The following ARMC1 variants were observed in gnomAD, a reference collection of about 807,000 sequenced individuals.
ARMC1 encodes armadillo repeat containing 1, also known as armadillo repeat-containing protein 1.
Under a neutral mutation model 31.4 loss-of-function variants are expected in ARMC1, and 16 were observed. The observed-to-expected ratio is 0.51, with a 90% CI of 0.34 to 0.77. The LOEUF is 0.77. Ranked by LOEUF, ARMC1 falls within the 30% of genes least tolerant of loss-of-function variation. The pLI is 0.01. For missense variants in ARMC1, 259 were observed against 347.5 expected, an observed-to-expected ratio of 0.75 and a Z score of 2.02; for synonymous variants, 114 against 118.9, an observed-to-expected ratio of 0.96 and a Z score of 0.27.
rs1807950556 is a variant in ARMC1 at position 65,604,145 on chromosome 8, T to C, written c.*249A>G. 1 of 364,594 alleles carries C rather than the reference T, an allele frequency of 2.7e-6. No homozygotes were observed. Among genetic ancestry groups the C allele is most frequent in the Admixed American group, 4.3e-5 (1 of 23,514 alleles). 22.6% of individuals were successfully genotyped at this position (364,594 alleles called of 1,614,324 possible). ...ACAGTGGACCCATGGTTTTTAAATA[T>C]GAGGCAATTAAATGAAAGAAAACAA... On this transcript the variant is annotated 3_prime_UTR_variant, in exon 7 of 7. Transcript: ENST00000276569.
intron 1 of ARMC1, among the ~76,000 whole-genome samples, chr8:65,628,029 G>A (rs1585721109): frequency 1.3e-5 from 2 of 152,304 alleles, no homozygotes; most frequent in South Asian, 2.1e-4. Flanking sequence ...CTGTCCATCT[G>A]ATTATGCCAT....
chr8:65,604,660 G>C, intron 6 of ARMC1, 75 bp from the exon 7 acceptor site: 1 of 1,392,306 alleles, frequency 7.2e-7, no homozygotes, highest in Non-Finnish European at 9.8e-7. Flanking sequence ...TTATTCTCAG[G>C]GTAAATTTTC....
intron 3 of ARMC1, among the ~76,000 whole-genome samples, chr8:65,620,799 T>TAAAAAAAAAAAAAA (rs112946805): frequency 0.12 from 15,953 of 138,242 alleles, 3,247 homozygotes; most frequent in African/African-American, 0.41. Context: ...TAGTTCCATT[T>TAAAAAAAAAAAAAA]AAAAAAAAAC....
At chr8:65,605,384 T>C in intron 5 of ARMC1, 38 bp downstream of exon 5, 1 of 1,612,756 alleles carries the variant, frequency 6.2e-7, no homozygotes, top group Non-Finnish European at 8.5e-7. Flanking sequence ...TTTGTTTACC[T>C]GTAATCTCAA....
intron 4 of ARMC1, among the ~76,000 whole-genome samples, chr8:65,609,096 T>C (rs913558954): frequency 5.9e-5 from 9 of 151,470 alleles, no homozygotes; most frequent in Non-Finnish European, 1.0e-4. Context: ...GTTTTTACTA[T>C]ATATTGGCCT....
rs1405787421 is a variant in ARMC1 at position 65,629,896 on chromosome 8, G to A, written c.-35-2463C>T. Among the ~76,000 whole-genome samples, 3 of 151,788 alleles carry A rather than the reference G, an allele frequency of 2.0e-5. No individual in the cohort carries two copies. In the East Asian group the frequency reaches 5.8e-4, roughly 29 times the overall value. On this transcript the variant is annotated intron_variant, in intron 1 of 6. Transcript: ENST00000276569. ...GTGGTGACTTATGCCTGTAATCCCAGCACTTTGGGAGGACAAAGCGGGTGG... is the reference window on the plus strand; with the variant it reads ...GTGGTGACTTATGCCTGTAATCCCAACACTTTGGGAGGACAAAGCGGGTGG...
In ARMC1 at chr8:65,634,081, G is replaced by A. The variant is rs147039828; in HGVS notation, c.-119C>T. 6.6e-6 allele frequency: 1 copy of A among 152,530 alleles called. No individual in the cohort carries two copies. The highest frequency in any genetic ancestry group is 1.9e-4 in the East Asian group (1 of 5,188). 9.4% of individuals were successfully genotyped at this position (152,530 alleles called of 1,614,324 possible). On this transcript the variant is annotated 5_prime_UTR_variant, in exon 1 of 7. Coordinates refer to ENST00000276569, the MANE Select transcript of ARMC1 (RefSeq NM_018120.6). ...GAGGTAGAGACCCAGGCGGCGCGGAGCGAGCCCTTCGGTTCGCAGCCCCGG... is the reference window on the plus strand; with the variant it reads ...GAGGTAGAGACCCAGGCGGCGCGGAACGAGCCCTTCGGTTCGCAGCCCCGG...
chr8:65,615,698 CT>C (rs1808235343), intron 3 of ARMC1, among the ~76,000 whole-genome samples: 1 of 151,706 alleles, frequency 6.6e-6, no homozygotes, highest in African/African-American at 2.4e-5. Flanking sequence ...CAGAATGAGG[CT>C]CCCTCTTAAA....
chr8:65,617,480 T>C (rs557615847), intron 3 of ARMC1, among the ~76,000 whole-genome samples: 8 of 152,262 alleles, frequency 5.3e-5, no homozygotes, highest in Admixed American at 4.6e-4. Context: ...ACACAAACAC[T>C]GCGGAAGGCC....
chr8:65,616,490 C>A (rs1484702156), intron 3 of ARMC1, among the ~76,000 whole-genome samples: 46 of 152,226 alleles, frequency 3.0e-4, no homozygotes, highest in Non-Finnish European at 5.9e-4. Flanking sequence ...CTACAACCTC[C>A]ACCTCCCAGC....
At chr8:65,614,783 G>T (rs1808215809) in intron 3 of ARMC1, among the ~76,000 whole-genome samples, 1 of 152,098 alleles carries the variant, frequency 6.6e-6, no homozygotes, top group Non-Finnish European at 1.5e-5. Flanking sequence ...TCTTTCCTTA[G>T]CTGGAAGAGC....
chr8:65,631,633 C>G (rs1417706971), intron 1 of ARMC1, among the ~76,000 whole-genome samples: 3 of 152,204 alleles, frequency 2.0e-5, no homozygotes, highest in African/African-American at 7.2e-5. Flanking sequence ...AAACTGAAAA[C>G]AGATAAACGA....
At chr8:65,607,998 T>A (rs1180752078) in intron 4 of ARMC1, among the ~76,000 whole-genome samples, 12 of 152,196 alleles carry the variant, frequency 7.9e-5, no homozygotes, top group Admixed American at 7.9e-4. Flanking sequence ...ACTTTTCTCC[T>A]TTTAAGAAGT....
chr8:65,608,855 G>A (rs1808060736), intron 4 of ARMC1, among the ~76,000 whole-genome samples: 2 of 152,060 alleles, frequency 1.3e-5, no homozygotes, highest in Admixed American at 6.6e-5. Context: ...GTTGCAGTGA[G>A]CCAAGATCGT....
intron 4 of ARMC1, among the ~76,000 whole-genome samples, chr8:65,612,508 G>T (rs554274517): frequency 3.2e-4 from 48 of 152,106 alleles, no homozygotes; most frequent in Non-Finnish European, 5.9e-4. Context: ...TTACAAATGT[G>T]GGGGAAATTT....
rs760756556 is a variant in ARMC1 at position 65,605,533 on chromosome 8, C to T, written c.471G>A (p.Arg157=). 1.9e-6 allele frequency: 3 copies of T among 1,607,182 alleles called. No individual in the cohort carries two copies. In the Admixed American group the frequency reaches 5.0e-5, roughly 27 times the overall value. ...LHIDGLDDTS[R]RNLCEEALLK... is the part of the protein sequence containing the mutation. ...ACAAAGCCTCTTCACATAGATTTCT[C>T]CGAGACTGAAAAAGTAAAAGCAAAT... Residue 157 remains arginine, a synonymous_variant, in exon 5 of 7, where the codon CGG becomes CGA. Coordinates refer to ENST00000276569, the MANE Select transcript of ARMC1 (RefSeq NM_018120.6).
At chr8:65,612,979 G>T (rs182979989) in intron 4 of ARMC1, among the ~76,000 whole-genome samples, 5 of 152,286 alleles carry the variant, frequency 3.3e-5, no homozygotes, top group African/African-American at 4.8e-5. Flanking sequence ...TATTGAGAGA[G>T]TTGTGTTAAA....
At chr8:65,626,458 A>T (rs888438507) in intron 2 of ARMC1, among the ~76,000 whole-genome samples, 1 of 150,096 alleles carries the variant, frequency 6.7e-6, no homozygotes, top group Non-Finnish European at 1.5e-5. Flanking sequence ...AAAAAAAAAA[A>T]TTTATTTATA....
In ARMC1 at chr8:65,629,175, A is replaced by G. The variant is rs559184317; in HGVS notation, c.-35-1742T>C. Among the ~76,000 whole-genome samples, 52 of 152,026 alleles carry G rather than the reference A, an allele frequency of 3.4e-4. No individual in the cohort carries two copies. In the South Asian group the frequency reaches 3.7e-3, roughly 11 times the overall value. On this transcript the variant is annotated intron_variant, in intron 1 of 6. Transcript: ENST00000276569. ...ATCTCAAAAAAAAAAAAAAAGAAAG[A>G]AAGAAAATGTGATATACATACACAA... is the stretch of plus-strand genomic sequence containing the variant.
Sources: allele counts gnomAD v4.1 joint callset (sites outside exome capture counted in the v4.1 genomes callset), GRCh38; gene constraint gnomAD v4.1.1; transcripts MANE v1.5; gene names NCBI Gene and HGNC (gene_info 2026-07-23, HGNC 2026-07-21).